Variants in ELMO1 observed in about 807,000 individuals in gnomAD.
ELMO1 encodes engulfment and cell motility protein 1.
In ELMO1, 26 loss-of-function variants were observed where a neutral mutation model predicts 98.9. The observed-to-expected ratio is 0.26, with a 90% CI of 0.19 to 0.36. The LOEUF is 0.36. Among genes scored for constraint, ELMO1 ranks in the 10% least tolerant of loss-of-function variants. ELMO1 has a pLI of 1.00. For missense variants in ELMO1, 627 were observed against 935.2 expected, an observed-to-expected ratio of 0.67 and a Z score of 4.30; for synonymous variants, 346 against 346.0, an observed-to-expected ratio of 1.00 and a Z score of 0.00.
intron 16 of ELMO1, among the ~76,000 whole-genome samples, chr7:36,936,663 G>C (rs1183739977): frequency 6.6e-6 from 1 of 152,038 alleles, no homozygotes; most frequent in African/African-American, 2.4e-5. Flanking sequence ...TATGTTACCT[G>C]GGATGGTCTC....
chr7:36,855,390 G>C lies in ELMO1; in HGVS notation c.*161C>G. On this transcript the variant is annotated 3_prime_UTR_variant, in exon 22 of 22. Coordinates refer to ENST00000310758, the MANE Select transcript of ELMO1 (RefSeq NM_014800.11). This position sits in a 1 kb window ranked among gnomAD's most constrained non-coding sequence, Gnocchi z 4.2. ...GGGCGGTGAGCAAGATGCCAGCTAG[G>C]GGCTGAAAGTTGCCAGGGCTAGAGG... 1.2e-6 allele frequency: 1 copy of C among 831,958 alleles called. No individual in the cohort carries two copies. Among genetic ancestry groups the C allele is most frequent in the Non-Finnish European group, 1.9e-6 (1 of 524,996 alleles). 51.5% of individuals were successfully genotyped at this position (831,958 alleles called of 1,614,324 possible). A position where few individuals can be genotyped will look rare whatever the true frequency, so the allele number is the denominator to read the frequency against.
At chr7:37,367,930 G>A (rs942840375) in intron 1 of ELMO1, among the ~76,000 whole-genome samples, 4 of 152,240 alleles carry the variant, frequency 2.6e-5, no homozygotes, top group East Asian at 3.9e-4. Context: ...GATAATAAAT[G>A]TAACTCCTTT....
chr7:37,444,717 C>A (rs1805538955), intron 1 of ELMO1, among the ~76,000 whole-genome samples: 4 of 152,154 alleles, frequency 2.6e-5, no homozygotes, highest in Admixed American at 2.0e-4. Flanking sequence ...GGTTTCACCG[C>A]CTTAGCCAGG....
At chr7:36,893,791 C>G (rs944679099) in intron 17 of ELMO1, among the ~76,000 whole-genome samples, 2 of 152,086 alleles carry the variant, frequency 1.3e-5, no homozygotes. Flanking sequence ...CCTATCCTAG[C>G]CTTTGCATGG....
chr7:36,918,618 A>C (rs1784895848), intron 16 of ELMO1, among the ~76,000 whole-genome samples: 1 of 152,214 alleles, frequency 6.6e-6, no homozygotes, highest in African/African-American at 2.4e-5. Context: ...TCCACAGTAC[A>C]TTTTGAAAAG....
intron 1 of ELMO1, among the ~76,000 whole-genome samples, chr7:37,356,014 A>AC (rs930496651): frequency 6.6e-6 from 1 of 152,062 alleles, no homozygotes; most frequent in Non-Finnish European, 1.5e-5. Context: ...AACAATCAAT[A>AC]CCCCAAAGTA....
chr7:37,066,063 G>T (rs907464404), intron 15 of ELMO1, among the ~76,000 whole-genome samples: 4 of 152,156 alleles, frequency 2.6e-5, no homozygotes, highest in Non-Finnish European at 5.9e-5. Flanking sequence ...CTGCTGCCAC[G>T]TAAGACATGA....
chr7:36,998,755 T>C (rs757349131), intron 16 of ELMO1, among the ~76,000 whole-genome samples: 58 of 152,072 alleles, frequency 3.8e-4, no homozygotes, highest in Non-Finnish European at 2.4e-4. Context: ...ACTGACACTA[T>C]ATTTTAGTGC....
At chr7:36,971,505 C>T (rs1412317414) in intron 16 of ELMO1, among the ~76,000 whole-genome samples, 1 of 152,160 alleles carries the variant, frequency 6.6e-6, no homozygotes, top group South Asian at 2.1e-4. Context: ...TAATTCGTTA[C>T]ATTTTTTTCT....
At chr7:37,015,577 G>T (rs1386816667) in intron 15 of ELMO1, among the ~76,000 whole-genome samples, 1 of 152,078 alleles carries the variant, frequency 6.6e-6, no homozygotes, top group Non-Finnish European at 1.5e-5. Context: ...CTCCAGCCTG[G>T]GCGACAAGAG....
intron 16 of ELMO1, among the ~76,000 whole-genome samples, chr7:36,934,049 T>C (rs1489555122): frequency 6.6e-6 from 1 of 152,190 alleles, no homozygotes; most frequent in Non-Finnish European, 1.5e-5. Context: ...GGGTGGCTTC[T>C]GGGGTTGGAG....
intron 6 of ELMO1, among the ~76,000 whole-genome samples, chr7:37,253,842 G>A (rs1003130174): frequency 6.6e-6 from 1 of 151,854 alleles, no homozygotes; most frequent in Non-Finnish European, 1.5e-5. Context: ...CAATGTTTAC[G>A]AAAATTTCCA....
At chr7:37,328,383 C>CAAAAAAAAAAAAA (rs10669717) in intron 2 of ELMO1, among the ~76,000 whole-genome samples, 9 of 64,850 alleles carry the variant, frequency 1.4e-4, no homozygotes, top group East Asian at 4.0e-4. Context: ...GACCCTGCCA[C>CAAAAAAAAAAAAA]AAAAAAAAAA....
chr7:37,025,892 A>ATTC, intron 15 of ELMO1, among the ~76,000 whole-genome samples: 1 of 89,046 alleles, frequency 1.1e-5, no homozygotes, highest in East Asian at 3.5e-4. Context: ...TATATATTAT[A>ATTC]TATTCTATCT....
At chr7:37,390,891 A>G (rs1803040011) in intron 1 of ELMO1, among the ~76,000 whole-genome samples, 1 of 152,224 alleles carries the variant, frequency 6.6e-6, no homozygotes, top group Non-Finnish European at 1.5e-5. Context: ...CAGGACACCA[A>G]ATTGACCTGG....
intron 16 of ELMO1, among the ~76,000 whole-genome samples, chr7:36,906,384 T>C (rs948922290): frequency 1.3e-5 from 2 of 152,194 alleles, no homozygotes; most frequent in African/African-American, 4.8e-5. Flanking sequence ...GAAAACACCA[T>C]TTTAGTTTTC....
At chr7:36,960,342 A>G (rs1788834808) in intron 16 of ELMO1, among the ~76,000 whole-genome samples, 1 of 152,222 alleles carries the variant, frequency 6.6e-6, no homozygotes, top group Non-Finnish European at 1.5e-5. Context: ...GACCACTCAC[A>G]GGCCTCTCCT....
intron 13 of ELMO1, among the ~76,000 whole-genome samples, chr7:37,158,616 A>C (rs991292567): frequency 1.3e-5 from 2 of 152,210 alleles, no homozygotes; most frequent in Non-Finnish European, 2.9e-5. Context: ...ACCATCTCAC[A>C]CCAGTTAGAA....
intron 13 of ELMO1, among the ~76,000 whole-genome samples, chr7:37,196,012 C>T (rs1791944405): frequency 6.6e-6 from 1 of 152,194 alleles, no homozygotes; most frequent in South Asian, 2.1e-4. Flanking sequence ...TCTGGGTTAT[C>T]ATGAAGCAGG....
Sources: allele counts gnomAD v4.1 joint callset (sites outside exome capture counted in the v4.1 genomes callset), GRCh38; gene constraint gnomAD v4.1.1; non-coding constraint Gnocchi (gnomAD v3.1); transcripts MANE v1.5; gene names NCBI Gene and HGNC (gene_info 2026-07-23, HGNC 2026-07-21).